L3MBTL4: variants seen among roughly 807,000 people sequenced by gnomAD.
L3MBTL4 encodes L3MBTL histone methyl-lysine binding protein 4.
A neutral mutation model predicts 84.5 loss-of-function variants in L3MBTL4; 70 were observed. The ratio of observed to expected loss-of-function variants is 0.83; its 90% CI spans 0.68 to 1.01. The LOEUF (loss-of-function observed/expected upper bound fraction) is 1.01, where lower values mean the gene tolerates loss of function less well. L3MBTL4 is among the 50% of genes least tolerant of loss of function. The probability of loss-of-function intolerance (pLI) is 0.00; values close to 1 mark genes in which losing one functional copy is unlikely to be tolerated. For synonymous variants in L3MBTL4, 274 were observed against 259.8 expected (o/e 1.05, Z -0.52); for missense variants, 715 against 754.8 (o/e 0.95, Z 0.62).
chr18:5,963,445 C>T (rs1396512052), intron 17 of L3MBTL4, among the ~76,000 whole-genome samples: 1 of 152,204 alleles, frequency 6.6e-6, no homozygotes, highest in Non-Finnish European at 1.5e-5. Context: ...CGCGGCCCTG[C>T]CCCGTGGTGG....
chr18:6,340,742 T>C (rs907534412), intron 1 of L3MBTL4, among the ~76,000 whole-genome samples: 6 of 152,034 alleles, frequency 3.9e-5, no homozygotes, highest in Admixed American at 2.0e-4. Context: ...TGGCACATCA[T>C]ACTCCCACAA....
intron 14 of L3MBTL4, among the ~76,000 whole-genome samples, chr18:6,129,132 G>A (rs1023769110): frequency 2.6e-5 from 4 of 152,022 alleles, no homozygotes; most frequent in African/African-American, 9.7e-5. Context: ...TTAAAAGGAA[G>A]GTCAATGATG....
At chr18:5,985,176 C>T (rs1383435693) in intron 16 of L3MBTL4, among the ~76,000 whole-genome samples, 1 of 152,080 alleles carries the variant, frequency 6.6e-6, no homozygotes, top group African/African-American at 2.4e-5. Flanking sequence ...AGGAGAAACA[C>T]AAGCTGGGAA....
chr18:6,177,863 T>C (rs76957130), intron 12 of L3MBTL4, among the ~76,000 whole-genome samples: 32 of 152,324 alleles, frequency 2.1e-4, no homozygotes, highest in Non-Finnish European at 4.3e-4. Context: ...GTCCATATAA[T>C]GGAGTGAAGA....
intron 1 of L3MBTL4, among the ~76,000 whole-genome samples, chr18:6,411,842 C>CTGT (rs925772513): frequency 1.3e-5 from 2 of 152,146 alleles, no homozygotes; most frequent in African/African-American, 4.8e-5. Context: ...CAGTGGTTTT[C>CTGT]TGTTGTTTAA....
chr18:6,262,502 C>T (rs2048451258), intron 5 of L3MBTL4, among the ~76,000 whole-genome samples: 1 of 152,170 alleles, frequency 6.6e-6, no homozygotes, highest in African/African-American at 2.4e-5. Context: ...ATGGACCTGA[C>T]TCCTAGACAG....
chr18:6,247,312 T>G (rs981042801), intron 5 of L3MBTL4, among the ~76,000 whole-genome samples: 1 of 152,056 alleles, frequency 6.6e-6, no homozygotes, highest in East Asian at 1.9e-4. Flanking sequence ...CTCACCCCCA[T>G]ACACCGCCTG....
chr18:6,278,499 A>G (rs1330259814), intron 4 of L3MBTL4, among the ~76,000 whole-genome samples: 7 of 152,150 alleles, frequency 4.6e-5, no homozygotes, highest in Non-Finnish European at 8.8e-5. Context: ...ATATTTGCCA[A>G]TATCTATCTA....
chr18:6,232,961 C>T lies in L3MBTL4; in HGVS notation c.784+5003G>A, dbSNP rs149805323. Among the ~76,000 whole-genome samples the T allele has an allele frequency of 7.0e-3, 1,072 of 152,144 alleles. 6 individuals are homozygous for T. Among genetic ancestry groups the T allele is most frequent in the Non-Finnish European group, 0.013 (854 of 67,980 alleles). On this transcript the variant is annotated intron_variant, in intron 10 of 18. Transcript: ENST00000317931. ...CCAAATTCAGCAGCACATCAAAAAG[C>T]TAATCCACCATGATCAAGTGGGCTT... is the stretch of plus-strand genomic sequence containing the variant.
chr18:6,208,073 C>T (rs2045947201), intron 12 of L3MBTL4, among the ~76,000 whole-genome samples: 1 of 151,612 alleles, frequency 6.6e-6, no homozygotes. Flanking sequence ...CATGATTGTG[C>T]CACTGCACTT....
chr18:6,059,259 C>A (rs980467400), intron 16 of L3MBTL4, among the ~76,000 whole-genome samples: 1 of 152,240 alleles, frequency 6.6e-6, no homozygotes, highest in South Asian at 2.1e-4. Flanking sequence ...TGCCCACATG[C>A]ACCAGACTTG....
chr18:6,286,869 T>C (rs1252609495), intron 4 of L3MBTL4, among the ~76,000 whole-genome samples: 1 of 152,124 alleles, frequency 6.6e-6, no homozygotes, highest in Admixed American at 6.5e-5. Flanking sequence ...CCCCCTCCTA[T>C]TTGAGAGGGG....
intron 10 of L3MBTL4, among the ~76,000 whole-genome samples, chr18:6,234,452 A>T (rs2047131289): frequency 6.6e-6 from 1 of 152,190 alleles, no homozygotes. Flanking sequence ...TCTACAATGA[A>T]CTCAAACAAA....
rs534261365 is a variant in L3MBTL4 at position 6,210,881 on chromosome 18, T to C, written c.981+2268A>G. On this transcript the variant is annotated intron_variant, in intron 12 of 18. Transcript: ENST00000317931. ...GAGGTCCCTTCATTAATACAGAAAA[T>C]AAATACACCCAGGGAGGGCAGCACA... Among the ~76,000 whole-genome samples the C allele has an allele frequency of 5.9e-5, 9 of 152,200 alleles. No individual in the cohort carries two copies. The South Asian group carries it at 1.9e-3, about 32-fold the overall frequency.
chr18:6,204,948 T>C (rs1024139487), intron 12 of L3MBTL4, among the ~76,000 whole-genome samples: 31 of 152,256 alleles, frequency 2.0e-4, no homozygotes, highest in African/African-American at 7.5e-4. Context: ...CCTCATCTCT[T>C]CTACTCCTTT....
intron 4 of L3MBTL4, among the ~76,000 whole-genome samples, chr18:6,293,154 C>T (rs1413705817): frequency 6.6e-6 from 1 of 152,126 alleles, no homozygotes; most frequent in East Asian, 1.9e-4. Flanking sequence ...TCAACTTCAA[C>T]ATATAGACAT....
At chr18:6,087,529 G>T (rs970866745) in intron 15 of L3MBTL4, among the ~76,000 whole-genome samples, 1 of 152,132 alleles carries the variant, frequency 6.6e-6, no homozygotes, top group Non-Finnish European at 1.5e-5. Flanking sequence ...GGGCTGCTCT[G>T]AAAGGCCTTG....
At chr18:6,115,088 C>T (rs1028546698) in intron 14 of L3MBTL4, among the ~76,000 whole-genome samples, 1 of 152,046 alleles carries the variant, frequency 6.6e-6, no homozygotes, top group Admixed American at 6.5e-5. Context: ...GAAGCAAGCT[C>T]ATTTTGAAGG....
At chr18:5,972,631 T>C (rs1240307030) in intron 16 of L3MBTL4, among the ~76,000 whole-genome samples, 2 of 152,260 alleles carry the variant, frequency 1.3e-5, no homozygotes, top group African/African-American at 4.8e-5. Flanking sequence ...TGTTTTGCCT[T>C]CTTTGTACTC....
Sources: allele counts gnomAD v4.1 joint callset (sites outside exome capture counted in the v4.1 genomes callset), GRCh38; gene constraint gnomAD v4.1.1; transcripts MANE v1.5; gene names NCBI Gene and HGNC (gene_info 2026-07-23, HGNC 2026-07-21).